The following TUBGCP5 variants were observed in gnomAD, a reference collection of about 807,000 sequenced individuals.
The protein encoded by TUBGCP5 is tubulin gamma complex component 5.
In TUBGCP5, 98 loss-of-function variants were observed where a neutral mutation model predicts 134.7. The observed-to-expected ratio is 0.73, with a 90% confidence interval of 0.62 to 0.86. The LOEUF (loss-of-function observed/expected upper bound fraction) is 0.86, where lower values mean the gene tolerates loss of function less well. Among genes scored for constraint, TUBGCP5 ranks in the 40% least tolerant of loss-of-function variants. The probability of loss-of-function intolerance (pLI) is 0.00; values close to 1 mark genes in which losing one functional copy is unlikely to be tolerated. For synonymous variants in TUBGCP5, 456 were observed against 431.4 expected (o/e 1.06, Z -0.71); for missense variants, 1,150 against 1,244.8 (o/e 0.92, Z 1.15).
At chr15:23,025,971 C>G in intron 8 of TUBGCP5, 145 bp downstream of exon 8, 1 of 582,924 alleles carries the variant, frequency 1.7e-6, no homozygotes, top group Non-Finnish European at 3.0e-6. Context: ...TCAATCTCCA[C>G]AGTCAAATCT....
intron 23 of TUBGCP5, among the ~76,000 whole-genome samples, chr15:22,988,460 G>GCA (rs2063744999): frequency 6.6e-6 from 1 of 151,754 alleles, no homozygotes; most frequent in African/African-American, 2.4e-5. Flanking sequence ...TTGGCCGGTT[G>GCA]CGGTGGCTGA....
chr15:23,014,630 T>C (rs1001320225), intron 13 of TUBGCP5, among the ~76,000 whole-genome samples: 2 of 152,164 alleles, frequency 1.3e-5, no homozygotes, highest in African/African-American at 2.4e-5. Context: ...CAACAAGCCA[T>C]GTGACCATGT....
chr15:23,006,960 T>A (rs558601223), intron 16 of TUBGCP5, among the ~76,000 whole-genome samples: 2 of 152,218 alleles, frequency 1.3e-5, no homozygotes, highest in African/African-American at 4.8e-5. Context: ...TCCTGAGAAA[T>A]GATGTCCTCT....
At chr15:22,988,777 T>C (rs1392644892) in intron 23 of TUBGCP5, among the ~76,000 whole-genome samples, 1 of 151,722 alleles carries the variant, frequency 6.6e-6, no homozygotes, top group African/African-American at 2.4e-5. Flanking sequence ...TGTTGTTTGT[T>C]TGTTTTTTGA....
chr15:22,995,462 G>A (rs1284040495), downstream of TUBGCP5, among the ~76,000 whole-genome samples: 6 of 150,720 alleles, frequency 4.0e-5, no homozygotes, highest in African/African-American at 1.5e-4. Context: ...AAGACATTGT[G>A]TAACCTAAGA....
chr15:23,009,992 A>T lies in TUBGCP5; in HGVS notation c.2097T>A (p.Tyr699Ter). Reference sequence around the variant, plus strand: ...GCATGAGATTTCCACAGCAATCTAGATACTGCTTGTCAATATGAGGATAGA... The same window carrying T: ...GCATGAGATTTCCACAGCAATCTAGTTACTGCTTGTCAATATGAGGATAGA... Reference protein sequence around the residue: ...SCLYPHIDKQYLDCCGNLMQT... With the variant: ...SCLYPHIDKQ Residue 699 changes from tyrosine (Y) to a stop codon, truncating the protein, a stop_gained, in exon 15 of 23, where the codon TAT becomes TAA. Transcript: ENST00000615383. LOFTEE classifies it high-confidence loss of function. The T allele has an allele frequency of 1.9e-6, 3 of 1,614,090 alleles. No homozygotes were observed. The highest frequency in any genetic ancestry group is 2.5e-6 in the Non-Finnish European group (3 of 1,180,000).
rs990064353 is a variant in TUBGCP5, at chr15:23,039,556, T to A, written c.-13A>T. The A allele has an allele frequency of 7.1e-7, 1 of 1,406,442 alleles. No homozygotes were observed. Among genetic ancestry groups the A allele is most frequent in the South Asian group, 1.6e-5 (1 of 64,072 alleles). The allele number at this position is 1,406,442 out of a possible 1,614,324, so 87.1% of individuals were successfully genotyped here. On this transcript the variant is annotated 5_prime_UTR_variant, in exon 1 of 23. Coordinates refer to ENST00000615383, the MANE Select transcript of TUBGCP5 (RefSeq NM_052903.6). ...CGTGCCGCGCCATGTTCCGCGCTCCTGCAGCGCGCGTCTAACGAATTGGTG... is the reference window on the plus strand; with the variant it reads ...CGTGCCGCGCCATGTTCCGCGCTCCAGCAGCGCGCGTCTAACGAATTGGTG...
chr15:23,006,422 T>G, intron 16 of TUBGCP5, 70 bp from the exon 17 acceptor site: 1 of 1,078,878 alleles, frequency 9.3e-7, no homozygotes, highest in South Asian at 1.4e-5. Flanking sequence ...TTTAAAATAA[T>G]TGGTATTTCA....
chr15:23,027,330 T>A (rs754511745), intron 6 of TUBGCP5, 24 bp from the exon 7 acceptor site: 2 of 1,598,096 alleles, frequency 1.3e-6, no homozygotes, highest in South Asian at 2.2e-5. Flanking sequence ...ATGTAATCAG[T>A]TTGAGTTAAC....
Position 23,024,049 on chromosome 15 carries a change from CT to C in TUBGCP5, c.1065del (p.Ala356LeufsTer38). 1 of 1,614,132 alleles carries C rather than the reference CT, an allele frequency of 6.2e-7. No homozygotes were observed. Among genetic ancestry groups the C allele is most frequent in the South Asian group, 1.1e-5 (1 of 91,086 alleles). On this transcript the variant is annotated frameshift_variant, in exon 10 of 23. Coordinates refer to ENST00000615383, the MANE Select transcript of TUBGCP5 (RefSeq NM_052903.6). LOFTEE classifies it high-confidence loss of function. ...AAAGCCTGGTAGGTTCTAAAGGGAG[CT>C]TCAGTTGACTTCTTAGGAACAGACC... ...GSGSVPKKST[E>X]APFRTYQAFM...
At chr15:23,025,494 C>T (rs907489397) in intron 8 of TUBGCP5, among the ~76,000 whole-genome samples, 5 of 152,150 alleles carry the variant, frequency 3.3e-5, no homozygotes, top group Non-Finnish European at 5.9e-5. Flanking sequence ...TTCCTGGCTT[C>T]CAGGTACGGG....
chr15:23,027,609 A>C (rs1248994253), intron 6 of TUBGCP5, among the ~76,000 whole-genome samples: 4 of 151,868 alleles, frequency 2.6e-5, no homozygotes. Flanking sequence ...CAAAAAAATT[A>C]GCCAGGGATG....
rs374017281 is a variant in TUBGCP5 at position 22,999,824 on chromosome 15, C to G, written c.3071G>C (p.Ser1024Thr). ...TATTTATTACGCTGAAGACATTTAA[C>G]TTTGTTCCATGCCAGCCATGAGTGA... ...ALSLMAGMEQ[S>T] The change falls in exon 23 of 23, where the codon AGT becomes ACT. Residue 1024 changes from serine to threonine, a missense_variant. Ser to Thr is a moderately conservative substitution (Grantham distance 58). Coordinates refer to ENST00000615383, the MANE Select transcript of TUBGCP5 (RefSeq NM_052903.6). 1.2e-5 allele frequency: 19 copies of G among 1,613,892 alleles called. No homozygotes were observed. The Middle Eastern group carries it at 4.9e-4, about 42-fold the overall frequency.
Position 23,009,939 on chromosome 15 carries a change from T to C in TUBGCP5, c.2144+6A>G, listed in dbSNP as rs757435924. 1.9e-6 allele frequency: 3 copies of C among 1,609,858 alleles called. No homozygotes were observed. The highest frequency in any genetic ancestry group is 2.5e-6 in the Non-Finnish European group (3 of 1,177,796). On this transcript the variant is annotated splice_donor_region_variant and intron_variant, in intron 15 of 22. Transcript: ENST00000615383. ...TACTACTTCCAAAATTAAATTACTC[T>C]TTTACCTGTAATCTTTTTTTAGAGT...
chr15:23,017,312 A>G (rs940434663), intron 13 of TUBGCP5, among the ~76,000 whole-genome samples: 2 of 152,128 alleles, frequency 1.3e-5, no homozygotes, highest in Admixed American at 6.5e-5. Flanking sequence ...ATAGCAAAGA[A>G]GAGGATACTG....
In TUBGCP5 at chr15:23,019,439, C is replaced by T. The variant is rs1256353275; in HGVS notation, c.1372-105G>A. 26 of 744,156 alleles carry T rather than the reference C, an allele frequency of 3.5e-5. 1 individual carries two copies. The highest frequency in any genetic ancestry group is 2.3e-4 in the Middle Eastern group (1 of 4,314). The allele number at this position is 744,156 out of a possible 1,614,324, so 46.1% of individuals were successfully genotyped here. On this transcript the variant is annotated intron_variant, in intron 11 of 22. Coordinates refer to ENST00000615383, the MANE Select transcript of TUBGCP5 (RefSeq NM_052903.6). ...TGCCTTTAAAAAAGTGATCGGATTTCTATGTTTTTTGGGGCACAAAGAAAT... is the reference window on the plus strand; with the variant it reads ...TGCCTTTAAAAAAGTGATCGGATTTTTATGTTTTTTGGGGCACAAAGAAAT...
chr15:22,995,019 G>A (rs1453561314), downstream of TUBGCP5, among the ~76,000 whole-genome samples: 2 of 152,062 alleles, frequency 1.3e-5, no homozygotes, highest in African/African-American at 2.4e-5. Flanking sequence ...CCAGGTGGAC[G>A]GATCACTCGA....
chr15:23,030,649 G>A (rs866239108), intron 6 of TUBGCP5, among the ~76,000 whole-genome samples: 1 of 141,378 alleles, frequency 7.1e-6, no homozygotes, highest in South Asian at 2.3e-4. Context: ...AAAGTTCTCA[G>A]AAGTATAGGA....
chr15:23,009,213 C>T (rs79728610), intron 15 of TUBGCP5, among the ~76,000 whole-genome samples: 1 of 151,718 alleles, frequency 6.6e-6, no homozygotes, highest in Admixed American at 6.6e-5. Context: ...GTCTTCTCTT[C>T]TATGTGTTAA....
Sources: gnomAD v4.1 joint callset for allele counts (sites outside exome capture counted in the v4.1 genomes callset) on GRCh38, gnomAD v4.1.1 for gene constraint, MANE v1.5 for transcripts, NCBI Gene and HGNC (gene_info 2026-07-23, HGNC 2026-07-21) for gene names.